ACOXL: variants seen among roughly 807,000 people sequenced by gnomAD.
The protein encoded by ACOXL is acyl-CoA oxidase like.
ACOXL carries 70 observed loss-of-function variants against 71.9 expected under a neutral mutation model. The observed-to-expected ratio is 0.97, with a 90% CI of 0.80 to 1.19. The LOEUF is 1.19. Ranked by LOEUF, ACOXL falls within the 50% of genes most tolerant of loss-of-function variation. The pLI is 0.00. For missense variants in ACOXL, 703 were observed against 736.3 expected, an observed-to-expected ratio of 0.95 and a Z score of 0.52; for synonymous variants, 253 against 281.6, an observed-to-expected ratio of 0.90 and a Z score of 1.02.
At chr2:110,765,052 A>G (rs1421005388) in intron 1 of ACOXL, among the ~76,000 whole-genome samples, 1 of 152,218 alleles carries the variant, frequency 6.6e-6, no homozygotes, top group Non-Finnish European at 1.5e-5. Flanking sequence ...TTCACTGAAT[A>G]TAAGATTTGC....
At chr2:110,931,461 C>T (rs965634989) in intron 11 of ACOXL, among the ~76,000 whole-genome samples, 3 of 152,014 alleles carry the variant, frequency 2.0e-5, no homozygotes, top group Non-Finnish European at 2.9e-5. Context: ...AGTCACAGCC[C>T]GGAGCATGGG....
At chr2:110,869,792 G>A (rs563378910) in intron 10 of ACOXL, among the ~76,000 whole-genome samples, 11 of 152,320 alleles carry the variant, frequency 7.2e-5, no homozygotes, top group African/African-American at 1.4e-4. Flanking sequence ...GCCCCTTGCC[G>A]TCCTCCTGGC....
chr2:110,800,598 A>G (rs1685865035), intron 7 of ACOXL, among the ~76,000 whole-genome samples: 1 of 151,830 alleles, frequency 6.6e-6, no homozygotes, highest in African/African-American at 2.4e-5. Context: ...GTGACCACTC[A>G]GGGCCAAGAT....
intron 10 of ACOXL, among the ~76,000 whole-genome samples, chr2:110,907,935 C>G (rs2059515682): frequency 6.6e-6 from 1 of 152,100 alleles, no homozygotes; most frequent in Admixed American, 6.5e-5. Context: ...GTTTGCCCAC[C>G]ATGCTTGATA....
chr2:110,983,040 C>A lies in ACOXL; in HGVS notation c.1060-4068C>A, dbSNP rs529173878. On this transcript the variant is annotated intron_variant, in intron 12 of 17. Coordinates refer to ENST00000439055, the MANE Select transcript of ACOXL (RefSeq NM_001142807.4). ...TGGGGCCCAGTGCCGTAAGTACTGC[C>A]ACTTTGAGTCAATCTCCCACTCTAT... is the stretch of plus-strand genomic sequence containing the variant. Among the ~76,000 whole-genome samples, 3 of 152,358 alleles carry A rather than the reference C, an allele frequency of 2.0e-5. No homozygotes were observed. The South Asian group carries it at 6.2e-4, about 32-fold the overall frequency.
chr2:110,795,726 C>G (rs1203050554), intron 5 of ACOXL: 3 of 152,214 alleles, frequency 2.0e-5, no homozygotes, highest in African/African-American at 7.2e-5. Context: ...ACCTAACATC[C>G]TTTGGCTTTT....
intron 10 of ACOXL, among the ~76,000 whole-genome samples, chr2:110,883,107 G>GTTTTTTTTT (rs34915436): frequency 2.7e-5 from 3 of 109,266 alleles, no homozygotes; most frequent in Admixed American, 1.1e-4. Context: ...TTTGTCACTG[G>GTTTTTTTTT]TTTTTTTTTT....
intron 1 of ACOXL, among the ~76,000 whole-genome samples, chr2:110,752,665 T>TA (rs1573341496): frequency 6.6e-6 from 1 of 151,930 alleles, no homozygotes; most frequent in Non-Finnish European, 1.5e-5. Flanking sequence ...GCCTCTGTTC[T>TA]TGTTGCATTG....
At chr2:110,837,279 G>A (rs1163384181) in intron 9 of ACOXL, among the ~76,000 whole-genome samples, 2 of 152,154 alleles carry the variant, frequency 1.3e-5, no homozygotes, top group African/African-American at 2.4e-5. Context: ...ATGAGGTCCA[G>A]GGTACCTTCA....
chr2:110,906,586 CAAAAA>C (rs78173066), intron 10 of ACOXL, among the ~76,000 whole-genome samples: 3 of 98,898 alleles, frequency 3.0e-5, no homozygotes, highest in Admixed American at 1.0e-4. Flanking sequence ...ATTTTTCAGC[CAAAAA>C]AAAAAAAAAA....
chr2:110,867,608 A>G (rs1160585512), intron 10 of ACOXL, among the ~76,000 whole-genome samples: 1 of 152,184 alleles, frequency 6.6e-6, no homozygotes, highest in East Asian at 1.9e-4. Flanking sequence ...GACAGGGCTC[A>G]GGAAGGTGAG....
chr2:110,997,104 A>G (rs1225262249), intron 14 of ACOXL, among the ~76,000 whole-genome samples: 1 of 152,242 alleles, frequency 6.6e-6, no homozygotes, highest in African/African-American at 2.4e-5. Flanking sequence ...GAAAAATGCT[A>G]CAGCTGCGGT....
At chr2:110,991,605 G>A (rs943016063) in intron 13 of ACOXL, among the ~76,000 whole-genome samples, 4 of 152,112 alleles carry the variant, frequency 2.6e-5, no homozygotes, top group African/African-American at 9.7e-5. Flanking sequence ...TTAAACACAT[G>A]GAAAACACAG....
At chr2:111,052,259 A>C (rs944477840) in intron 16 of ACOXL, among the ~76,000 whole-genome samples, 1 of 152,174 alleles carries the variant, frequency 6.6e-6, no homozygotes, top group African/African-American at 2.4e-5. Context: ...GCCCACTCAG[A>C]TGAGCAAATT....
chr2:110,988,858 TGTGTGTGTG>T (rs1371568524), intron 13 of ACOXL, among the ~76,000 whole-genome samples: 1 of 1,818 alleles, frequency 5.5e-4, no homozygotes, highest in Non-Finnish European at 1.0e-3. Flanking sequence ...CTATTTTTAT[TGTGTGTGTG>T]TGTGTGTGTG....
At chr2:110,978,712 G>A (rs2062568694) in intron 12 of ACOXL, among the ~76,000 whole-genome samples, 1 of 152,170 alleles carries the variant, frequency 6.6e-6, no homozygotes, top group Non-Finnish European at 1.5e-5. Flanking sequence ...ACATGTTTGA[G>A]TAACATTATA....
At chr2:110,761,530 G>A (rs1680399003) in intron 1 of ACOXL, among the ~76,000 whole-genome samples, 2 of 152,262 alleles carry the variant, frequency 1.3e-5, no homozygotes, top group African/African-American at 4.8e-5. Flanking sequence ...AGCTCCCCAT[G>A]GAATATAATT....
chr2:110,821,952 T>C (rs1446170214), intron 9 of ACOXL, among the ~76,000 whole-genome samples: 1 of 151,966 alleles, frequency 6.6e-6, no homozygotes, highest in Non-Finnish European at 1.5e-5. Flanking sequence ...TGTGTGTGCA[T>C]GTGAGTGTGT....
chr2:111,003,938 C>T (rs930768034), intron 14 of ACOXL, among the ~76,000 whole-genome samples: 8 of 152,208 alleles, frequency 5.3e-5, no homozygotes, highest in South Asian at 2.1e-4. Flanking sequence ...GCAAAACCTA[C>T]GAACTTAGAG....
Sources: allele counts gnomAD v4.1 joint callset (sites outside exome capture counted in the v4.1 genomes callset), GRCh38; gene constraint gnomAD v4.1.1; transcripts MANE v1.5; gene names NCBI Gene and HGNC (gene_info 2026-07-23, HGNC 2026-07-21).